Variants in GRID1 observed in about 807,000 individuals in gnomAD.
GRID1 encodes the protein glutamate ionotropic receptor delta type subunit 1, also known as glutamate receptor ionotropic, delta-1.
GRID1 carries 28 observed loss-of-function variants against 98.0 expected under a neutral mutation model. The ratio of observed to expected loss-of-function variants is 0.29; its 90% CI spans 0.21 to 0.39. The LOEUF (loss-of-function observed/expected upper bound fraction) is 0.39. Among genes scored for constraint, GRID1 ranks in the 10% least tolerant of loss-of-function variants. The pLI is 1.00. For missense variants in GRID1, 1,111 were observed against 1,340.5 expected (o/e 0.83, Z 2.67); for synonymous variants, 553 against 538.5 (o/e 1.03, Z -0.37).
chr10:86,056,978 T>TCTTA (rs1843582914), intron 4 of GRID1, among the ~76,000 whole-genome samples: 1 of 152,240 alleles, frequency 6.6e-6, no homozygotes, highest in Non-Finnish European at 1.5e-5. Context: ...GGCTTTAGAC[T>TCTTA]GTGGTAGAAC....
At chr10:86,331,647 G>C (rs1287462057) in intron 2 of GRID1, among the ~76,000 whole-genome samples, 1 of 152,202 alleles carries the variant, frequency 6.6e-6, no homozygotes, top group East Asian at 1.9e-4. Context: ...AACAGAAAGA[G>C]TTCAGACTTT....
chr10:86,290,130 A>AT (rs1303404616), intron 2 of GRID1, among the ~76,000 whole-genome samples: 1 of 152,244 alleles, frequency 6.6e-6, no homozygotes, highest in Non-Finnish European at 1.5e-5. Context: ...TTTAACTGGT[A>AT]TTTTTATCAC....
chr10:86,032,394 T>C (rs1369983290), intron 4 of GRID1, among the ~76,000 whole-genome samples: 1 of 152,046 alleles, frequency 6.6e-6, no homozygotes, highest in Non-Finnish European at 1.5e-5. Context: ...GGGGGGGAAG[T>C]GTGGGGAAAG....
Position 86,236,949 on chromosome 10 carries a change from G to T in GRID1, c.236-30301C>A, listed in dbSNP as rs117513275. Among the ~76,000 whole-genome samples the T allele has an allele frequency of 2.2e-3, 339 of 152,278 alleles. 2 individuals are homozygous for T. The highest frequency in any genetic ancestry group is 3.9e-3 in the Non-Finnish European group (264 of 68,016). ...CATGCTGGAGCCCCTGAGCACTGCT[G>T]CTGGGAGGTAGACGTGGTGAGATAC... is the stretch of plus-strand genomic sequence containing the variant. On this transcript the variant is annotated intron_variant, in intron 2 of 15. Transcript: ENST00000327946.
chr10:85,601,968 G>T lies in GRID1; in HGVS notation c.*305C>A, dbSNP rs187037099. 2.1e-5 allele frequency: 6 copies of T among 286,380 alleles called. No individual in the cohort carries two copies. The highest frequency in any genetic ancestry group is 4.7e-5 in the Admixed American group (1 of 21,318). 17.7% of individuals were successfully genotyped at this position (286,380 alleles called of 1,614,324 possible). A position where few individuals can be genotyped will look rare whatever the true frequency, so the allele number is the denominator to read the frequency against. On this transcript the variant is annotated 3_prime_UTR_variant, in exon 16 of 16. Coordinates refer to ENST00000327946, the MANE Select transcript of GRID1 (RefSeq NM_017551.3). Reference sequence around the variant, plus strand: ...CCTCAGAAAGGCCCAGGAATGGGGGGGCTCCTTTGGCACTTCAGAATGATC... The same window carrying T: ...CCTCAGAAAGGCCCAGGAATGGGGGTGCTCCTTTGGCACTTCAGAATGATC...
intron 8 of GRID1, among the ~76,000 whole-genome samples, chr10:85,824,570 A>G (rs529903880): frequency 1.3e-5 from 2 of 152,244 alleles, no homozygotes; most frequent in Admixed American, 1.3e-4. Flanking sequence ...ATAGCTTTTC[A>G]GGTACAAGTG....
intron 8 of GRID1, among the ~76,000 whole-genome samples, chr10:85,850,557 A>AG (rs1397626099): frequency 6.6e-6 from 1 of 152,164 alleles, no homozygotes; most frequent in Admixed American, 6.5e-5. Flanking sequence ...TGCAAGAGGG[A>AG]GCCTCCCATC....
intron 4 of GRID1, among the ~76,000 whole-genome samples, chr10:86,133,324 A>C (rs11201893): frequency 0.073 from 11,092 of 151,754 alleles, 793 homozygotes; most frequent in African/African-American, 0.17. Context: ...CCATGTGTGC[A>C]TGTGTGTGTG....
At chr10:86,030,568 C>G (rs1843172728) in intron 4 of GRID1, among the ~76,000 whole-genome samples, 1 of 152,174 alleles carries the variant, frequency 6.6e-6, no homozygotes, top group South Asian at 2.1e-4. Flanking sequence ...TTAGATCAAC[C>G]CCAGGAGGAG....
At chr10:85,754,731 A>C (rs572332927) in intron 8 of GRID1, among the ~76,000 whole-genome samples, 2 of 152,244 alleles carry the variant, frequency 1.3e-5, no homozygotes, top group South Asian at 2.1e-4. Flanking sequence ...AGGCATAATA[A>C]ATAGAGGCTG....
intron 12 of GRID1, among the ~76,000 whole-genome samples, chr10:85,668,001 A>G (rs1318832239): frequency 6.6e-6 from 1 of 152,032 alleles, no homozygotes; most frequent in Admixed American, 6.6e-5. Context: ...ATACCATCTC[A>G]CCTGCTGAGT....
intron 4 of GRID1, among the ~76,000 whole-genome samples, chr10:86,031,411 G>T (rs534609378): frequency 9.9e-5 from 15 of 152,200 alleles, no homozygotes; most frequent in Middle Eastern, 3.4e-3. Flanking sequence ...ACTTCAAAAG[G>T]GGGGGCAGGA....
At chr10:85,870,855 C>A (rs541723850) in intron 5 of GRID1, among the ~76,000 whole-genome samples, 1 of 152,084 alleles carries the variant, frequency 6.6e-6, no homozygotes, top group Non-Finnish European at 1.5e-5. Flanking sequence ...GGTCAGTACA[C>A]CCCACAAAAT....
At chr10:86,012,550 G>C (rs967116920) in intron 4 of GRID1, among the ~76,000 whole-genome samples, 1 of 152,292 alleles carries the variant, frequency 6.6e-6, no homozygotes, top group African/African-American at 2.4e-5. Context: ...TTTCCCTAAA[G>C]GGACCTGAAA....
At chr10:85,973,208 A>T (rs1842429371) in intron 4 of GRID1, among the ~76,000 whole-genome samples, 1 of 152,316 alleles carries the variant, frequency 6.6e-6, no homozygotes, top group South Asian at 2.1e-4. Context: ...GTATATTTGT[A>T]ACAAATAATT....
intron 5 of GRID1, among the ~76,000 whole-genome samples, chr10:85,901,586 T>C (rs1841390387): frequency 6.6e-6 from 1 of 152,142 alleles, no homozygotes; most frequent in South Asian, 2.1e-4. Context: ...TGTTAGCTCA[T>C]TTAATCTTCA....
chr10:85,749,316 T>C (rs1369190219), intron 8 of GRID1, among the ~76,000 whole-genome samples: 2 of 152,162 alleles, frequency 1.3e-5, no homozygotes, highest in Admixed American at 6.5e-5. Context: ...GGCAGCCATA[T>C]AGTTCACAAG....
At chr10:85,871,787 T>A (rs1016892701) in intron 5 of GRID1, among the ~76,000 whole-genome samples, 1 of 152,164 alleles carries the variant, frequency 6.6e-6, no homozygotes, top group Non-Finnish European at 1.5e-5. Context: ...GGGTGCTGGG[T>A]CTGGGAGAAA....
intron 5 of GRID1, among the ~76,000 whole-genome samples, chr10:85,878,817 C>G (rs1407883367): frequency 6.6e-6 from 1 of 151,686 alleles, no homozygotes; most frequent in East Asian, 1.9e-4. Context: ...TTAAAAGACA[C>G]AGACTGGCAA....
Sources: allele counts gnomAD v4.1 joint callset (sites outside exome capture counted in the v4.1 genomes callset), GRCh38; gene constraint gnomAD v4.1.1; transcripts MANE v1.5; gene names NCBI Gene and HGNC (gene_info 2026-07-23, HGNC 2026-07-21).